Variants in RFLNA observed in about 807,000 individuals in gnomAD.
The protein encoded by RFLNA is refilin A.
A neutral mutation model predicts 7.8 loss-of-function variants in RFLNA; 5 were observed. The observed-to-expected ratio is 0.64, with a 90% CI of 0.34 to 1.35. The LOEUF is 1.35. Ranked by LOEUF, RFLNA falls within the 40% of genes most tolerant of loss-of-function variation. RFLNA has a pLI of 0.04. For synonymous variants in RFLNA, 141 were observed against 131.3 expected, an observed-to-expected ratio of 1.07 and a Z score of -0.50; for missense variants, 278 against 305.5, an observed-to-expected ratio of 0.91 and a Z score of 0.67.
chr12:124,295,179 G>A lies in RFLNA; in HGVS notation c.-251G>A, dbSNP rs1441720603. The A allele has an allele frequency of 1.3e-5, 2 of 149,748 alleles. No homozygotes were observed. The highest frequency in any genetic ancestry group is 3.7e-4 in the South Asian group (2 of 5,360). 9.3% of individuals were successfully genotyped at this position (149,748 alleles called of 1,614,324 possible). A position where few individuals can be genotyped will look rare whatever the true frequency, so the allele number is the denominator to read the frequency against. ...GCGCAGAGGCGAGGCTGGGCCCGGC[G>A]GGCGGGAGCCGCGGAGGGCGGAGGG... On this transcript the variant is annotated 5_prime_UTR_variant, in exon 1 of 3. Transcript: ENST00000546355.
At position 124,315,322 on chromosome 12, in the gene RFLNA, G is replaced by A. The variant is rs138225246; in HGVS notation, c.*797G>A. ...GCGTCCCCAGCTAACACCCATCCAC[G>A]CACCACCTCCAGGACGAGAACCCTT... On this transcript the variant is annotated 3_prime_UTR_variant, in exon 3 of 3. Transcript: ENST00000546355. The A allele has an allele frequency of 6.6e-3, 1,007 of 152,984 alleles. 8 individuals are homozygous for A. The highest frequency in any genetic ancestry group is 0.034 in the Middle Eastern group (10 of 296). 9.5% of individuals were successfully genotyped at this position (152,984 alleles called of 1,614,324 possible).
At chr12:124,305,243 C>T (rs183983442) in intron 1 of RFLNA, among the ~76,000 whole-genome samples, 16 of 152,348 alleles carry the variant, frequency 1.1e-4, no homozygotes, top group African/African-American at 3.6e-4. Flanking sequence ...GAGGATCCCC[C>T]TTGCGGGCCC....
chr12:124,310,176 A>AAAAAAAAAAAAAAAAAG (rs2034214673), intron 1 of RFLNA, among the ~76,000 whole-genome samples: 1 of 133,386 alleles, frequency 7.5e-6, no homozygotes, highest in African/African-American at 2.7e-5. Flanking sequence ...CTGTCTCAAA[A>AAAAAAAAAAAAAAAAAG]AAAAAAAAAA....
rs1352173248 is a variant in RFLNA at position 124,306,843 on chromosome 12, C to A, written c.208-4975C>A. Among the ~76,000 whole-genome samples the A allele has an allele frequency of 6.6e-6, 1 of 152,106 alleles. No individual in the cohort carries two copies. Among genetic ancestry groups the A allele is most frequent in the Non-Finnish European group, 1.5e-5 (1 of 68,010 alleles). On this transcript the variant is annotated intron_variant, in intron 1 of 2. Coordinates refer to ENST00000546355, the MANE Select transcript of RFLNA (RefSeq NM_001365156.1). This position sits in a 1 kb window ranked among gnomAD's most constrained non-coding sequence, Gnocchi z 5.2. The stretch of plus-strand genomic sequence containing the variant: ...GATGTAGGAGATATCAAGCTAGGTC[C>A]CTGCAGGACTTGGCTCTGAGTTCAC...
chr12:124,312,019 C>A, intron 2 of RFLNA, 92 bp downstream of exon 2: 1 of 1,390,838 alleles, frequency 7.2e-7, no homozygotes, highest in Non-Finnish European at 9.5e-7. Flanking sequence ...GGGGACTAGG[C>A]CAAGCTGGGG....
rs79459735 is a variant in RFLNA, at chr12:124,296,253, G to C, written c.207+617G>C. Among the ~76,000 whole-genome samples, 117 of 145,582 alleles carry C rather than the reference G, an allele frequency of 8.0e-4. 2 individuals are homozygous for C. The East Asian group carries it at 0.021, about 26-fold the overall frequency. On this transcript the variant is annotated intron_variant, in intron 1 of 2. Transcript: ENST00000546355. ...GATTCCTTCCTTCCCGGGATGTTAA[G>C]GCATGTTGACGTGGAGCTTAGGCGG...
upstream of RFLNA, among the ~76,000 whole-genome samples, chr12:124,290,514 GTA>G (rs1025826358): frequency 2.1e-4 from 32 of 152,030 alleles, no homozygotes; most frequent in Admixed American, 4.6e-4. The surrounding 1 kb of genome is among the most constrained non-coding windows in gnomAD (Gnocchi z 4.0). Flanking sequence ...GCATCTGTGT[GTA>G]TGTGTGTATA....
At chr12:124,304,892 C>T (rs2034111615) in intron 1 of RFLNA, among the ~76,000 whole-genome samples, 1 of 152,200 alleles carries the variant, frequency 6.6e-6, no homozygotes, top group African/African-American at 2.4e-5. Context: ...TGCCTCATCT[C>T]ACTCCCACAG....
rs2034318213 is a variant in RFLNA, at chr12:124,314,625, G to A, written c.*100G>A. ...GCTCGGCCTGGCACTCGGGCAGGAG[G>A]CGGGAAGGGAGGCTGCCAGACCAAG... On this transcript the variant is annotated 3_prime_UTR_variant, in exon 3 of 3. Transcript: ENST00000546355. 1.3e-6 allele frequency: 2 copies of A among 1,526,246 alleles called. No individual in the cohort carries two copies. The highest frequency in any genetic ancestry group is 1.8e-6 in the Non-Finnish European group (2 of 1,138,702). 94.5% of individuals were successfully genotyped at this position (1,526,246 alleles called of 1,614,324 possible). A position where few individuals can be genotyped will look rare whatever the true frequency, so the allele number is the denominator to read the frequency against.
At position 124,314,948 on chromosome 12, in the gene RFLNA, G is replaced by C. The variant is rs1410038544; in HGVS notation, c.*423G>C. On this transcript the variant is annotated 3_prime_UTR_variant, in exon 3 of 3. Transcript: ENST00000546355. Reference sequence around the variant, plus strand: ...CTCCCCCAGAGCCCTGCCACCCCATGTGTCCTAGGCTGGTGGCCAAGGCCA... The same window carrying C: ...CTCCCCCAGAGCCCTGCCACCCCATCTGTCCTAGGCTGGTGGCCAAGGCCA... The C allele has an allele frequency of 1.4e-5, 5 of 365,550 alleles. No homozygotes were observed. The highest frequency in any genetic ancestry group is 1.1e-4 in the African/African-American group (5 of 47,388). The allele number at this position is 365,550 out of a possible 1,614,324, so 22.6% of individuals were successfully genotyped here. A position where few individuals can be genotyped will look rare whatever the true frequency, so the allele number is the denominator to read the frequency against.
intron 1 of RFLNA, among the ~76,000 whole-genome samples, chr12:124,301,359 TCACGGCCTTCCAGGTGCTCTG>T: frequency 6.6e-6 from 1 of 152,310 alleles, no homozygotes; most frequent in East Asian, 1.9e-4. Context: ...ACAAATAGGC[TCACGGCCTTCCAGGTGCTCTG>T]GAAACAAGGG....
At chr12:124,295,975 G>GCGCC (rs1357094848) in intron 1 of RFLNA, among the ~76,000 whole-genome samples, 14 of 151,602 alleles carry the variant, frequency 9.2e-5, no homozygotes, top group Admixed American at 7.9e-4. Context: ...AGGTGGGCTT[G>GCGCC]CGCCCAGAGG....
chr12:124,290,544 A>ATACATGTTTATGTGTG (rs1465632253), upstream of RFLNA, among the ~76,000 whole-genome samples: 4 of 151,948 alleles, frequency 2.6e-5, no homozygotes, highest in Non-Finnish European at 4.4e-5. This position sits in a 1 kb window ranked among gnomAD's most constrained non-coding sequence, Gnocchi z 4.0. Context: ...TTATGTGTAT[A>ATACATGTTTATGTGTG]TACATGTTTA....
Position 124,295,558 on chromosome 12 carries a change from G to T in RFLNA, c.129G>T (p.Leu43=). Residue 43 remains leucine (L), a synonymous_variant, in exon 1 of 3, where the codon CTG becomes CTT. Coordinates refer to ENST00000546355, the MANE Select transcript of RFLNA (RefSeq NM_001365156.1). ...GCCCCAGCCCGCCCTTCTACTCCCT[G>T]GCGCCCGGCATCCTCGACGCGCGCG... The part of the protein sequence containing the change: ...SPSPSPPFYS[L]APGILDARAG... The T allele has an allele frequency of 8.0e-7, 1 of 1,249,816 alleles. No homozygotes were observed. The allele number at this position is 1,249,816 out of a possible 1,614,324, so 77.4% of individuals were successfully genotyped here.
In RFLNA at chr12:124,314,616, G is replaced by C; in HGVS notation, c.*91G>C. On this transcript the variant is annotated 3_prime_UTR_variant, in exon 3 of 3. Coordinates refer to ENST00000546355, the MANE Select transcript of RFLNA (RefSeq NM_001365156.1). ...ACACGATGAGCTCGGCCTGGCACTCGGGCAGGAGGCGGGAAGGGAGGCTGC... is the reference window on the plus strand; with the variant it reads ...ACACGATGAGCTCGGCCTGGCACTCCGGCAGGAGGCGGGAAGGGAGGCTGC... 6.5e-7 allele frequency: 1 copy of C among 1,530,544 alleles called. No individual in the cohort carries two copies. The highest frequency in any genetic ancestry group is 1.2e-5 in the South Asian group (1 of 83,340). 94.8% of individuals were successfully genotyped at this position (1,530,544 alleles called of 1,614,324 possible).
chr12:124,295,729 G>T (rs189136174), intron 1 of RFLNA, 93 bp downstream of exon 1: 43,728 of 1,169,512 alleles, frequency 0.037, 920 homozygotes, highest in Admixed American at 0.065. Context: ...GCAGCAGGAC[G>T]TGCCTCCTCC....
chr12:124,300,263 C>T (rs948424180), intron 1 of RFLNA, among the ~76,000 whole-genome samples: 3 of 152,238 alleles, frequency 2.0e-5, no homozygotes, highest in African/African-American at 7.2e-5. Context: ...TTCCCTCCAT[C>T]CAGCCTCCCT....
intron 1 of RFLNA, among the ~76,000 whole-genome samples, chr12:124,301,049 C>G (rs1047685205): frequency 2.6e-5 from 4 of 152,186 alleles, no homozygotes; most frequent in Non-Finnish European, 5.9e-5. Context: ...GTCCCCATGG[C>G]CCCCTGGCAG....
At chr12:124,307,390 G>C (rs1218242007) in intron 1 of RFLNA, among the ~76,000 whole-genome samples, 1 of 152,176 alleles carries the variant, frequency 6.6e-6, no homozygotes, top group Non-Finnish European at 1.5e-5. Flanking sequence ...CCCCAGGAGT[G>C]GGGCAGCCAG....
Sources: allele counts gnomAD v4.1 joint callset (sites outside exome capture counted in the v4.1 genomes callset), GRCh38; gene constraint gnomAD v4.1.1; non-coding constraint Gnocchi (gnomAD v3.1); transcripts MANE v1.5; gene names NCBI Gene and HGNC (gene_info 2026-07-23, HGNC 2026-07-21).